Variants in SORCS2 observed in about 807,000 individuals in gnomAD.
SORCS2 encodes the protein VPS10 domain-containing receptor SorCS2.
In SORCS2, 100 loss-of-function variants were observed where a neutral mutation model predicts 141.6. The ratio of observed to expected loss-of-function variants is 0.71; its 90% CI spans 0.60 to 0.83. The LOEUF is 0.83. SORCS2 is among the 40% of genes least tolerant of loss of function. The probability of loss-of-function intolerance (pLI) is 0.00; values close to 1 mark genes in which losing one functional copy is unlikely to be tolerated. For synonymous variants in SORCS2, 789 were observed against 676.9 expected, an observed-to-expected ratio of 1.17 and a Z score of -2.57; for missense variants, 1,646 against 1,560.2, an observed-to-expected ratio of 1.05 and a Z score of -0.93.
chr4:7,339,121 C>T (rs542718830), intron 1 of SORCS2, among the ~76,000 whole-genome samples: 19 of 152,316 alleles, frequency 1.2e-4, no homozygotes, highest in East Asian at 9.6e-4. Flanking sequence ...AACTGTGGCC[C>T]GTGAGGGTGG....
chr4:7,576,944 A>G (rs371228141), intron 3 of SORCS2, among the ~76,000 whole-genome samples: 1 of 152,202 alleles, frequency 6.6e-6, no homozygotes, highest in Non-Finnish European at 1.5e-5. Flanking sequence ...CTGAGATTGC[A>G]TGGGAAATGA....
intron 1 of SORCS2, among the ~76,000 whole-genome samples, chr4:7,248,255 G>A (rs1443942785): frequency 1.3e-5 from 2 of 152,114 alleles, no homozygotes; most frequent in Non-Finnish European, 2.9e-5. Flanking sequence ...GTGTGTGGAG[G>A]GTGTTTTGTC....
At chr4:7,278,575 T>G (rs1200730309) in intron 1 of SORCS2, among the ~76,000 whole-genome samples, 2 of 152,210 alleles carry the variant, frequency 1.3e-5, no homozygotes, top group African/African-American at 4.8e-5. Context: ...AGTGGTAGCG[T>G]GCCCAGTGTA....
At chr4:7,285,324 C>T (rs771694816) in intron 1 of SORCS2, among the ~76,000 whole-genome samples, 15 of 152,208 alleles carry the variant, frequency 9.9e-5, no homozygotes, top group South Asian at 2.1e-4. Context: ...TGAGCCACCA[C>T]GCCCGGCCCC....
chr4:7,733,241 G>A, intron 23 of SORCS2, 81 bp from the exon 24 acceptor site: 1 of 1,010,812 alleles, frequency 9.9e-7, no homozygotes, highest in East Asian at 3.2e-5. Context: ...CTCCCCTCCT[G>A]GAGGAGGACC....
rs1726314534 is a variant in SORCS2, at chr4:7,718,072, G to A, written c.2313G>A (p.Val771=). 1 of 1,611,582 alleles carries A rather than the reference G, an allele frequency of 6.2e-7. No individual in the cohort carries two copies. Among genetic ancestry groups the A allele is most frequent in the African/African-American group, 1.3e-5 (1 of 74,994 alleles). Residue 771 remains valine (V), a synonymous_variant, in exon 18 of 27, where the codon GTG becomes GTA. Coordinates refer to ENST00000507866, the MANE Select transcript of SORCS2 (RefSeq NM_020777.3). ...EGGVDMQQSQ[V]QLQCPLTPPR... is the part of the protein sequence containing the mutation. Reference sequence around the variant, plus strand: ...GGGTGGACATGCAGCAGAGTCAGGTGCAGCTGCAGTGCCCCCTCACGCCGC... The same window carrying A: ...GGGTGGACATGCAGCAGAGTCAGGTACAGCTGCAGTGCCCCCTCACGCCGC...
At chr4:7,706,833 C>A (rs1725502398) in intron 14 of SORCS2, among the ~76,000 whole-genome samples, 1 of 152,210 alleles carries the variant, frequency 6.6e-6, no homozygotes, top group South Asian at 2.1e-4. Context: ...AGGGATGAGG[C>A]TGGACTCTGC....
At chr4:7,261,501 C>T (rs1307999372) in intron 1 of SORCS2, among the ~76,000 whole-genome samples, 1 of 152,224 alleles carries the variant, frequency 6.6e-6, no homozygotes, top group African/African-American at 2.4e-5. Flanking sequence ...GCTGTTTACT[C>T]CTTCCTTTCT....
chr4:7,689,268 T>C (rs1724063209), intron 10 of SORCS2, among the ~76,000 whole-genome samples: 1 of 152,032 alleles, frequency 6.6e-6, no homozygotes, highest in Admixed American at 6.6e-5. Flanking sequence ...TCCCAGGCTG[T>C]CAGCACAGCA....
chr4:7,606,880 A>G (rs759792196), intron 3 of SORCS2, among the ~76,000 whole-genome samples: 11 of 152,088 alleles, frequency 7.2e-5, no homozygotes, highest in South Asian at 2.1e-4. Flanking sequence ...TTTTGCACCA[A>G]CCTAATAGTG....
intron 2 of SORCS2, among the ~76,000 whole-genome samples, chr4:7,438,224 C>G (rs1727431778): frequency 6.6e-6 from 1 of 152,214 alleles, no homozygotes; most frequent in Non-Finnish European, 1.5e-5. Flanking sequence ...GAGCTGATGG[C>G]AGCTTTGTGT....
chr4:7,333,795 C>G (rs1363430012), intron 1 of SORCS2, among the ~76,000 whole-genome samples: 1 of 152,230 alleles, frequency 6.6e-6, no homozygotes, highest in Non-Finnish European at 1.5e-5. Context: ...GTGGTCAGTG[C>G]TTTCTGTCAA....
intron 3 of SORCS2, among the ~76,000 whole-genome samples, chr4:7,617,280 T>C (rs891472843): frequency 1.3e-5 from 2 of 152,100 alleles, no homozygotes; most frequent in African/African-American, 4.8e-5. Context: ...CACCCCATTA[T>C]CCATCCACCC....
intron 1 of SORCS2, among the ~76,000 whole-genome samples, chr4:7,327,617 T>C (rs1719356272): frequency 6.6e-6 from 1 of 152,190 alleles, no homozygotes; most frequent in Admixed American, 6.5e-5. Flanking sequence ...GTCCCAGAAC[T>C]GTCCTGTGCT....
intron 3 of SORCS2, among the ~76,000 whole-genome samples, chr4:7,619,964 G>A (rs1719045503): frequency 6.6e-6 from 1 of 152,008 alleles, no homozygotes. Flanking sequence ...ACCTGGTCTC[G>A]CTCACTCTAG....
intron 2 of SORCS2, among the ~76,000 whole-genome samples, chr4:7,455,041 GTGTGTTGGGGTCAGATGC>G (rs1728791906): frequency 4.2e-4 from 15 of 35,334 alleles, no homozygotes; most frequent in Non-Finnish European, 1.0e-3. Context: ...GTCAGGTGCT[GTGTGTTGGGGTCAGATGC>G]TGTGTTGGGG....
At chr4:7,708,816 A>G (rs959444764) in intron 14 of SORCS2, among the ~76,000 whole-genome samples, 17 of 152,148 alleles carry the variant, frequency 1.1e-4, no homozygotes, top group African/African-American at 3.9e-4. Context: ...TTCATCCCTG[A>G]GGGAGTGGTG....
chr4:7,399,882 G>A (rs6852909), intron 2 of SORCS2, among the ~76,000 whole-genome samples: 22,314 of 152,056 alleles, frequency 0.15, 1,784 homozygotes, highest in Non-Finnish European at 0.18. Flanking sequence ...GAGAGGATCT[G>A]GTACAGCACT....
chr4:7,709,505 G>A (rs1725688171), intron 14 of SORCS2, among the ~76,000 whole-genome samples: 1 of 152,224 alleles, frequency 6.6e-6, no homozygotes, highest in Admixed American at 6.5e-5. Flanking sequence ...CAACAGAACA[G>A]TTCCTCCAGA....
Sources: allele counts gnomAD v4.1 joint callset (sites outside exome capture counted in the v4.1 genomes callset), GRCh38; gene constraint gnomAD v4.1.1; transcripts MANE v1.5; gene names NCBI Gene and HGNC (gene_info 2026-07-23, HGNC 2026-07-21).